MS4A8: variants seen among roughly 807,000 people sequenced by gnomAD.
MS4A8 encodes the protein membrane spanning 4-domains A8.
Under a neutral mutation model 23.7 loss-of-function variants are expected in MS4A8, and 27 were observed. The observed-to-expected ratio is 1.14, with a 90% confidence interval of 0.84 to 1.57. The LOEUF (loss-of-function observed/expected upper bound fraction) is 1.57. Among genes scored for constraint, MS4A8 ranks in the 40% most tolerant of loss-of-function variants. The pLI is 0.00. For missense variants in MS4A8, 301 were observed against 311.4 expected, an observed-to-expected ratio of 0.97 and a Z score of 0.25; for synonymous variants, 138 against 126.3, an observed-to-expected ratio of 1.09 and a Z score of -0.62.
intron 5 of MS4A8, among the ~76,000 whole-genome samples, chr11:60,714,203 C>T (rs2088323116): frequency 7.0e-6 from 1 of 143,674 alleles, no homozygotes. Context: ...GGATTACAGG[C>T]GTGAGCCACC....
Position 60,712,039 on chromosome 11 carries a change from C to T in MS4A8, c.535-2982C>T. The T allele has an allele frequency of 1.2e-5, 3 of 243,634 alleles. No individual in the cohort carries two copies. The South Asian group carries it at 1.3e-4, about 10-fold the overall frequency. The allele number at this position is 243,634 out of a possible 1,614,324, so 15.1% of individuals were successfully genotyped here. A position where few individuals can be genotyped will look rare whatever the true frequency, so the allele number is the denominator to read the frequency against. Reference sequence around the variant, plus strand: ...AAAAATCTCAGCTGCTTGAGGGACCCCTTTTCCATGAAATATTTTATGTGT... The same window carrying T: ...AAAAATCTCAGCTGCTTGAGGGACCTCTTTTCCATGAAATATTTTATGTGT... On this transcript the variant is annotated intron_variant, in intron 5 of 6. Transcript: ENST00000300226.
chr11:60,715,757 A>C lies in MS4A8; in HGVS notation c.*343A>C, dbSNP rs1181912967. On this transcript the variant is annotated 3_prime_UTR_variant, in exon 7 of 7. Coordinates refer to ENST00000300226, the MANE Select transcript of MS4A8 (RefSeq NM_031457.2). ...TAGAGGAACAAATATCTAGACATTC[A>C]ATCTTCACTCTTTCAATTGTGCATT... 3.4e-6 allele frequency: 1 copy of C among 296,010 alleles called. No homozygotes were observed. The highest frequency in any genetic ancestry group is 6.4e-6 in the Non-Finnish European group (1 of 156,076). The allele number at this position is 296,010 out of a possible 1,614,324, so 18.3% of individuals were successfully genotyped here. A position where few individuals can be genotyped will look rare whatever the true frequency, so the allele number is the denominator to read the frequency against.
intron 4 of MS4A8, among the ~76,000 whole-genome samples, chr11:60,707,834 T>TG (rs1554965133): frequency 2.0e-3 from 203 of 101,940 alleles, no homozygotes; most frequent in African/African-American, 5.9e-3. Flanking sequence ...TTTTTTTTTT[T>TG]TGTGTGTGTG....
At chr11:60,710,891 G>A (rs556985962) in intron 5 of MS4A8, among the ~76,000 whole-genome samples, 113 of 152,188 alleles carry the variant, frequency 7.4e-4, no homozygotes, top group Admixed American at 1.5e-3. Context: ...CCCTCCGACT[G>A]GGGAACTCTT....
intron 1 of MS4A8, 97 bp from the exon 2 acceptor site, chr11:60,700,763 G>T: frequency 1.7e-6 from 2 of 1,176,850 alleles, no homozygotes; most frequent in Non-Finnish European, 2.5e-6. Context: ...ACTTGTAGAG[G>T]GTTAAGATGC....
chr11:60,708,677 G>T lies in MS4A8; in HGVS notation c.430G>T (p.Val144Phe), dbSNP rs147472289. 4 of 1,567,946 alleles carry T rather than the reference G, an allele frequency of 2.6e-6. No homozygotes were observed. The Middle Eastern group carries it at 5.1e-4, about 201-fold the overall frequency. Residue 144 changes from valine (V) to phenylalanine (F), a missense_variant, in exon 5 of 7, where the codon GTC becomes TTC. By Grantham distance (50) the Val-to-Phe change is conservative. Transcript: ENST00000300226. Reference protein sequence around the residue: ...LLSGSLGLNIVSAICSAVGVI... With the variant: ...LLSGSLGLNIFSAICSAVGVI... ...GTCTGGCAGTTTGGGCTTGAACATCGTCAGTGCAATCTGCTCTGCAGTTGG... is the reference window on the plus strand; with the variant it reads ...GTCTGGCAGTTTGGGCTTGAACATCTTCAGTGCAATCTGCTCTGCAGTTGG...
At chr11:60,713,355 C>T (rs746609786) in intron 5 of MS4A8, among the ~76,000 whole-genome samples, 1 of 151,774 alleles carries the variant, frequency 6.6e-6, no homozygotes, top group Non-Finnish European at 1.5e-5. Context: ...TCTGAGTTCC[C>T]TTAGTATTTA....
chr11:60,701,474 G>C (rs987652672), intron 2 of MS4A8: 4 of 368,846 alleles, frequency 1.1e-5, no homozygotes, highest in African/African-American at 8.5e-5. Flanking sequence ...AACAAAGCAG[G>C]TTAGGCAACC....
intron 4 of MS4A8, among the ~76,000 whole-genome samples, chr11:60,707,409 C>CA (rs36102781): frequency 0.88 from 134,471 of 152,124 alleles, 59,462 homozygotes; most frequent in Non-Finnish European, 0.9. Context: ...TCTAGCAGAC[C>CA]AGGAGCCAAG....
chr11:60,701,957 C>T (rs1736216700), intron 2 of MS4A8, among the ~76,000 whole-genome samples: 1 of 152,042 alleles, frequency 6.6e-6, no homozygotes, highest in African/African-American at 2.4e-5. Flanking sequence ...GGACACACCC[C>T]AAGATATGGA....
intron 3 of MS4A8, among the ~76,000 whole-genome samples, chr11:60,706,056 C>T (rs74973858): frequency 0.076 from 11,553 of 152,018 alleles, 967 homozygotes; most frequent in African/African-American, 0.2. Flanking sequence ...CTTTTGGGGC[C>T]GTTGCAAATG....
At chr11:60,707,637 A>G (rs1350798590) in intron 4 of MS4A8, among the ~76,000 whole-genome samples, 1 of 152,212 alleles carries the variant, frequency 6.6e-6, no homozygotes, top group Non-Finnish European at 1.5e-5. Context: ...GATCTATTTG[A>G]AAGTCTTCAA....
At chr11:60,702,796 C>CTGT (rs1297922153) in intron 2 of MS4A8, among the ~76,000 whole-genome samples, 1 of 152,190 alleles carries the variant, frequency 6.6e-6, no homozygotes. Flanking sequence ...TGCAACAACT[C>CTGT]TGTTTTCAAA....
rs1565054693 is a variant in MS4A8 at position 60,715,291 on chromosome 11, G to GC, written c.649-19_649-18insC. On this transcript the variant is annotated intron_variant, in intron 6 of 6. Coordinates refer to ENST00000300226, the MANE Select transcript of MS4A8 (RefSeq NM_031457.2). The stretch of plus-strand genomic sequence containing the variant: ...GCCCGTCCTTCTTAGCATGCCCCCT[G>GC]TGTGCCTGTGTTTTCCAGGTGAGTG... 1.2e-6 allele frequency: 2 copies of GC among 1,609,304 alleles called. No homozygotes were observed. The highest frequency in any genetic ancestry group is 3.3e-5 in the Admixed American group (2 of 59,982).
chr11:60,706,950 C>A (rs1318314307), intron 3 of MS4A8, 38 bp from the exon 4 acceptor site: 2 of 1,594,004 alleles, frequency 1.3e-6, no homozygotes, highest in Admixed American at 1.7e-5. Context: ...GCACCCTAGC[C>A]CCTGACCTCT....
chr11:60,706,006 G>T (rs74918632), intron 3 of MS4A8, among the ~76,000 whole-genome samples: 4 of 152,284 alleles, frequency 2.6e-5, no homozygotes, highest in East Asian at 1.9e-4. Flanking sequence ...TCATCTGTTG[G>T]GGGGAGGGCG....
intron 2 of MS4A8, chr11:60,702,964 A>G (rs2088217422): frequency 6.5e-6 from 1 of 152,954 alleles, no homozygotes; most frequent in Non-Finnish European, 1.5e-5. Flanking sequence ...ACAATGTTAC[A>G]TATAATAGAA....
At chr11:60,704,174 G>A (rs1445491558) in intron 3 of MS4A8, among the ~76,000 whole-genome samples, 18 of 143,820 alleles carry the variant, frequency 1.3e-4, no homozygotes, top group Non-Finnish European at 2.1e-4. Flanking sequence ...AAGCTGGAGC[G>A]CAGTGGTGCA....
At chr11:60,700,720 T>G in intron 1 of MS4A8, 140 bp from the exon 2 acceptor site, 3 of 790,084 alleles carry the variant, frequency 3.8e-6, no homozygotes, top group Non-Finnish European at 6.2e-6. Context: ...GCCCTATAAC[T>G]GATATCTATT....
Sources: gnomAD v4.1 joint callset for allele counts (sites outside exome capture counted in the v4.1 genomes callset) on GRCh38, gnomAD v4.1.1 for gene constraint, MANE v1.5 for transcripts, NCBI Gene and HGNC (gene_info 2026-07-23, HGNC 2026-07-21) for gene names.